Variants in MYO1D observed in about 807,000 individuals in gnomAD.
The protein encoded by MYO1D is myosin ID.
Under a neutral mutation model 122.0 loss-of-function variants are expected in MYO1D, and 83 were observed. The ratio of observed to expected loss-of-function variants is 0.68; its 90% CI spans 0.57 to 0.82. MYO1D has a LOEUF of 0.82. MYO1D is among the 40% of genes least tolerant of loss of function. The pLI, the probability that MYO1D is intolerant of heterozygous loss-of-function variation, is 0.00. For synonymous variants in MYO1D, 464 were observed against 446.9 expected, an observed-to-expected ratio of 1.04 and a Z score of -0.48; for missense variants, 1,157 against 1,269.5, an observed-to-expected ratio of 0.91 and a Z score of 1.35.
chr17:32,769,694 T>C (rs1420755204), intron 6 of MYO1D, among the ~76,000 whole-genome samples: 1 of 152,134 alleles, frequency 6.6e-6, no homozygotes, highest in Non-Finnish European at 1.5e-5. Context: ...TCAATAATCA[T>C]TTCTGTATGG....
chr17:32,516,433 T>C (rs1046619603), intron 21 of MYO1D, among the ~76,000 whole-genome samples: 1 of 152,216 alleles, frequency 6.6e-6, no homozygotes, highest in African/African-American at 2.4e-5. Flanking sequence ...AAATGGGTTG[T>C]TTTGATCCAG....
At chr17:32,703,916 G>GTCATATTCATTC (rs1359758933) in intron 16 of MYO1D, among the ~76,000 whole-genome samples, 1 of 152,088 alleles carries the variant, frequency 6.6e-6, no homozygotes, top group East Asian at 1.9e-4. Flanking sequence ...GAAGATGAAT[G>GTCATATTCATTC]ATAAATCCCA....
intron 16 of MYO1D, among the ~76,000 whole-genome samples, chr17:32,700,003 AAAAGT>A (rs1432374218): frequency 1.3e-5 from 2 of 152,216 alleles, no homozygotes; most frequent in Non-Finnish European, 2.9e-5. Context: ...ACAAAATTAG[AAAAGT>A]AAAGAAAATA....
chr17:32,730,899 CGT>C (rs1195954311), intron 14 of MYO1D, among the ~76,000 whole-genome samples: 2 of 145,054 alleles, frequency 1.4e-5, no homozygotes, highest in Non-Finnish European at 3.0e-5. Context: ...TTCTCTTCCA[CGT>C]GTCTTTTTTT....
chr17:32,703,026 TAG>T lies in MYO1D; in HGVS notation c.2121+8960_2121+8961del, dbSNP rs1312550807. 3.9e-5 allele frequency among the ~76,000 whole-genome samples: 6 copies of T among 152,194 alleles called. No homozygotes were observed. The East Asian group carries it at 1.2e-3, about 29-fold the overall frequency. ...TACAAATTGCTCAGAGGAAAATGAT[TAG>T]AGTCTTAAGATATTACCATTTTGAG... On this transcript the variant is annotated intron_variant, in intron 16 of 21. Coordinates refer to ENST00000318217, the MANE Select transcript of MYO1D (RefSeq NM_015194.3).
chr17:32,527,148 C>T (rs768198549), intron 21 of MYO1D, among the ~76,000 whole-genome samples: 3 of 152,192 alleles, frequency 2.0e-5, no homozygotes, highest in Non-Finnish European at 2.9e-5. Flanking sequence ...ACATGCCTCT[C>T]GGAACTGCAA....
chr17:32,655,818 A>G (rs1345093682), intron 17 of MYO1D, among the ~76,000 whole-genome samples: 2 of 152,250 alleles, frequency 1.3e-5, no homozygotes, highest in Admixed American at 6.5e-5. Flanking sequence ...GGCTGGGAAC[A>G]GGAAGACCTG....
intron 21 of MYO1D, among the ~76,000 whole-genome samples, chr17:32,548,179 T>C (rs1225053868): frequency 6.6e-6 from 1 of 151,006 alleles, no homozygotes; most frequent in African/African-American, 2.4e-5. Context: ...GCACTTTGGG[T>C]GGCTGAGGTG....
At chr17:32,543,348 G>A (rs896575185) in intron 21 of MYO1D, among the ~76,000 whole-genome samples, 11 of 148,338 alleles carry the variant, frequency 7.4e-5, no homozygotes, top group South Asian at 4.3e-4. Flanking sequence ...AGGCCGTGGC[G>A]GGCAGATCAC....
chr17:32,650,176 T>C (rs114888540), intron 19 of MYO1D, among the ~76,000 whole-genome samples: 2,251 of 152,332 alleles, frequency 0.015, 45 homozygotes, highest in African/African-American at 0.049. Context: ...ACTTTGGTTT[T>C]TGAAAGATAT....
intron 17 of MYO1D, among the ~76,000 whole-genome samples, chr17:32,658,032 G>A (rs981266137): frequency 2.0e-5 from 3 of 152,108 alleles, no homozygotes; most frequent in Non-Finnish European, 2.9e-5. Flanking sequence ...TAAAAAGCCT[G>A]CCAAGATTGA....
At chr17:32,876,624 G>A (rs1366683272) in intron 1 of MYO1D, 154 bp downstream of exon 1, 5 of 544,604 alleles carry the variant, frequency 9.2e-6, no homozygotes, top group African/African-American at 2.0e-5. Context: ...GCGCAGCCGC[G>A]GAGCTTGGCA....
intron 21 of MYO1D, among the ~76,000 whole-genome samples, chr17:32,506,609 G>T (rs1330850927): frequency 6.6e-6 from 1 of 152,104 alleles, no homozygotes; most frequent in African/African-American, 2.4e-5. Flanking sequence ...ACTAATAATG[G>T]AATAAATACA....
At chr17:32,594,557 C>G in intron 21 of MYO1D, 2 of 670,586 alleles carry the variant, frequency 3.0e-6, no homozygotes, top group Non-Finnish European at 5.4e-6. Context: ...AGAGTATAAG[C>G]AGATGGTTTC....
At chr17:32,798,303 T>A (rs1245570644) in intron 1 of MYO1D, among the ~76,000 whole-genome samples, 1 of 152,242 alleles carries the variant, frequency 6.6e-6, no homozygotes, top group Non-Finnish European at 1.5e-5. Flanking sequence ...TCGTCAGAAG[T>A]CTGTAACATC....
At chr17:32,775,570 T>C (rs2090163395) in intron 4 of MYO1D, among the ~76,000 whole-genome samples, 1 of 152,182 alleles carries the variant, frequency 6.6e-6, no homozygotes. Flanking sequence ...TGATTAGTCT[T>C]AGATTGACTT....
intron 16 of MYO1D, among the ~76,000 whole-genome samples, chr17:32,699,657 T>C (rs910650585): frequency 6.6e-6 from 1 of 152,206 alleles, no homozygotes; most frequent in African/African-American, 2.4e-5. Flanking sequence ...AAAAGATATC[T>C]GGGATGTTCT....
chr17:32,822,930 A>C (rs147368904), intron 1 of MYO1D, among the ~76,000 whole-genome samples: 2,218 of 152,270 alleles, frequency 0.015, 45 homozygotes, highest in African/African-American at 0.048. Flanking sequence ...ATGTATACAT[A>C]TGTAACAAAC....
chr17:32,640,594 C>A (rs559945370), intron 19 of MYO1D, among the ~76,000 whole-genome samples: 2 of 147,544 alleles, frequency 1.4e-5, no homozygotes, highest in South Asian at 2.2e-4. Flanking sequence ...TTTGTTCTTG[C>A]GATAGTTTAC....
Sources: allele counts gnomAD v4.1 joint callset (sites outside exome capture counted in the v4.1 genomes callset), GRCh38; gene constraint gnomAD v4.1.1; transcripts MANE v1.5; gene names NCBI Gene and HGNC (gene_info 2026-07-23, HGNC 2026-07-21).